The following DSCAML1 variants were observed in gnomAD, a reference collection of about 807,000 sequenced individuals.
DSCAML1 encodes the protein cell adhesion molecule DSCAML1.
Under a neutral mutation model 200.5 loss-of-function variants are expected in DSCAML1, and 38 were observed. The observed-to-expected ratio is 0.19, with a 90% CI of 0.15 to 0.25. DSCAML1 has a LOEUF of 0.25. Among genes scored for constraint, DSCAML1 ranks in the 10% least tolerant of loss-of-function variants. The pLI is 1.00. For synonymous variants in DSCAML1, 1,215 were observed against 1,165.0 expected (o/e 1.04, Z -0.87); for missense variants, 2,223 against 2,858.8 (o/e 0.78, Z 5.07).
At chr11:117,805,848 CA>C (rs2055703558) in intron 1 of DSCAML1, among the ~76,000 whole-genome samples, 1 of 152,200 alleles carries the variant, frequency 6.6e-6, no homozygotes, top group Non-Finnish European at 1.5e-5. Flanking sequence ...AAGAGCAACA[CA>C]GGGAAGCCTA....
rs765999726 is a variant in DSCAML1, at chr11:117,725,848, CAAAAA to C, written c.511+50938_511+50942del. 7.2e-3 allele frequency among the ~76,000 whole-genome samples: 867 copies of C among 120,128 alleles called. 12 individuals carry two copies. The highest frequency in any genetic ancestry group is 0.027 in the African/African-American group (810 of 30,352). 78.8% of individuals were successfully genotyped at this position (120,128 alleles called of 152,430 possible). Reference sequence around the variant, plus strand: ...CAAAACAAAACAAAACAAAACAAAACAAAAAGGTAGGGAGGCAGCAGGCAGCAGGT... The same window carrying C: ...CAAAACAAAACAAAACAAAACAAAACGGTAGGGAGGCAGCAGGCAGCAGGT... On this transcript the variant is annotated intron_variant, in intron 3 of 32. Coordinates refer to ENST00000651296, the MANE Select transcript of DSCAML1 (RefSeq NM_020693.4).
intron 3 of DSCAML1, among the ~76,000 whole-genome samples, chr11:117,737,477 G>T (rs891220666): frequency 1.3e-5 from 2 of 152,226 alleles, no homozygotes; most frequent in Non-Finnish European, 2.9e-5. Context: ...ACCCAAAGGG[G>T]ATCGTGGCAT....
intron 3 of DSCAML1, among the ~76,000 whole-genome samples, chr11:117,602,474 C>T (rs2051483795): frequency 6.6e-6 from 1 of 152,172 alleles, no homozygotes; most frequent in Non-Finnish European, 1.5e-5. Flanking sequence ...AATCCTCCCA[C>T]CTCAGCCTCC....
At chr11:117,641,349 G>A (rs2052402420) in intron 3 of DSCAML1, among the ~76,000 whole-genome samples, 1 of 152,218 alleles carries the variant, frequency 6.6e-6, no homozygotes, top group Admixed American at 6.5e-5. Context: ...TTTCAAGTCT[G>A]ATTTCAGCAT....
At position 117,769,079 on chromosome 11, in the gene DSCAML1, CTATATATAATATATATTTTA is replaced by C. The variant is rs1376847068; in HGVS notation, c.511+7692_511+7711del. On this transcript the variant is annotated intron_variant, in intron 3 of 32. Transcript: ENST00000651296. ...CATCTCAAAAAAATATATATATAAT[CTATATATAATATATATTTTA>C]TATATATAATAGATATTTTATATAT... Among the ~76,000 whole-genome samples the C allele has an allele frequency of 2.6e-5, 3 of 116,032 alleles. No homozygotes were observed. The East Asian group carries it at 6.9e-4, about 27-fold the overall frequency. The allele number at this position is 116,032 out of a possible 152,430, so 76.1% of individuals were successfully genotyped here.
chr11:117,626,357 G>A (rs2052046989), intron 3 of DSCAML1, among the ~76,000 whole-genome samples: 1 of 152,186 alleles, frequency 6.6e-6, no homozygotes, highest in Non-Finnish European at 1.5e-5. Flanking sequence ...GTGCCATGTT[G>A]CCAGGGCCCT....
At chr11:117,725,606 C>A (rs906500592) in intron 3 of DSCAML1, among the ~76,000 whole-genome samples, 1 of 152,176 alleles carries the variant, frequency 6.6e-6, no homozygotes, top group Admixed American at 6.5e-5. Flanking sequence ...TCATCCGTTC[C>A]GATCAGCTGC....
intron 16 of DSCAML1, among the ~76,000 whole-genome samples, chr11:117,465,532 G>A (rs1435748296): frequency 6.6e-6 from 1 of 152,136 alleles, no homozygotes; most frequent in Non-Finnish European, 1.5e-5. Context: ...ACAGCTCCCT[G>A]CCTCTCTCTG....
At chr11:117,758,637 C>T (rs913240769) in intron 3 of DSCAML1, among the ~76,000 whole-genome samples, 3 of 152,008 alleles carry the variant, frequency 2.0e-5, no homozygotes, top group South Asian at 2.1e-4. Context: ...CTCCTGACCT[C>T]GTGATCCGCC....
intron 3 of DSCAML1, among the ~76,000 whole-genome samples, chr11:117,557,981 C>G (rs924404034): frequency 6.6e-6 from 1 of 152,000 alleles, no homozygotes; most frequent in Non-Finnish European, 1.5e-5. Context: ...ATCCTACAAG[C>G]CCGGGATAGC....
At chr11:117,474,332 T>C (rs1215939748) in intron 14 of DSCAML1, among the ~76,000 whole-genome samples, 2 of 152,118 alleles carry the variant, frequency 1.3e-5, no homozygotes, top group Non-Finnish European at 2.9e-5. Flanking sequence ...CTTTTGCTTA[T>C]CTCTTGGGCC....
chr11:117,604,719 C>A (rs968239165), intron 3 of DSCAML1, among the ~76,000 whole-genome samples: 1 of 152,248 alleles, frequency 6.6e-6, no homozygotes, highest in Non-Finnish European at 1.5e-5. Flanking sequence ...GTGAGGGCTC[C>A]AGTGGCAGAT....
At chr11:117,599,805 G>A (rs200142228) in intron 3 of DSCAML1, among the ~76,000 whole-genome samples, 3 of 152,178 alleles carry the variant, frequency 2.0e-5, no homozygotes, top group Non-Finnish European at 4.4e-5. Flanking sequence ...CATCAATAGC[G>A]ACGCACGCTT....
At chr11:117,464,663 T>TGGAGAGACAAGTGCTCAGACAGGC (rs2048543972) in intron 17 of DSCAML1, among the ~76,000 whole-genome samples, 1 of 151,792 alleles carries the variant, frequency 6.6e-6, no homozygotes, top group Non-Finnish European at 1.5e-5. Flanking sequence ...GGGAGACAGG[T>TGGAGAGACAAGTGCTCAGACAGGC]GGACAGACAA....
At chr11:117,758,286 T>C (rs2054733060) in intron 3 of DSCAML1, among the ~76,000 whole-genome samples, 3 of 144,776 alleles carry the variant, frequency 2.1e-5, no homozygotes, top group African/African-American at 5.1e-5. Context: ...GGCGACAGAG[T>C]GAGACTCCAT....
intron 3 of DSCAML1, among the ~76,000 whole-genome samples, chr11:117,728,109 T>A (rs1434508015): frequency 6.6e-6 from 1 of 152,168 alleles, no homozygotes; most frequent in Non-Finnish European, 1.5e-5. Context: ...ATCCCAGGAA[T>A]GCAAAGCTGG....
intron 3 of DSCAML1, among the ~76,000 whole-genome samples, chr11:117,631,956 G>A (rs923585690): frequency 9.9e-5 from 15 of 152,198 alleles, no homozygotes; most frequent in African/African-American, 2.7e-4. Flanking sequence ...TTAGAGGAGC[G>A]GCAAAGCCTC....
At chr11:117,758,299 CA>C (rs376046918) in intron 3 of DSCAML1, among the ~76,000 whole-genome samples, 216 of 127,678 alleles carry the variant, frequency 1.7e-3, no homozygotes, top group Middle Eastern at 4.1e-3. Flanking sequence ...GACTCCATCT[CA>C]AAAAAAAAAA....
chr11:117,692,726 T>C (rs1414514210), intron 3 of DSCAML1, among the ~76,000 whole-genome samples: 1 of 152,212 alleles, frequency 6.6e-6, no homozygotes, highest in Non-Finnish European at 1.5e-5. Flanking sequence ...ATCCAGGCCC[T>C]GCTCGCACAC....
Sources: allele counts gnomAD v4.1 joint callset (sites outside exome capture counted in the v4.1 genomes callset), GRCh38; gene constraint gnomAD v4.1.1; transcripts MANE v1.5; gene names NCBI Gene and HGNC (gene_info 2026-07-23, HGNC 2026-07-21).